The following CHRM3 variants were observed in gnomAD, a reference collection of about 807,000 sequenced individuals.
CHRM3 encodes muscarinic acetylcholine receptor M3.
A neutral mutation model predicts 41.8 loss-of-function variants in CHRM3; 11 were observed. That is an observed-to-expected ratio of 0.26 (90% CI 0.17 to 0.44). The LOEUF (loss-of-function observed/expected upper bound fraction) is 0.44. CHRM3 is among the 20% of genes least tolerant of loss of function. The pLI, the probability that CHRM3 is intolerant of heterozygous loss-of-function variation, is 1.00. For synonymous variants in CHRM3, 297 were observed against 301.4 expected (o/e 0.99, Z 0.15); for missense variants, 571 against 745.4 (o/e 0.77, Z 2.72).
intron 5 of CHRM3, among the ~76,000 whole-genome samples, chr1:239,698,614 A>T (rs778450397): frequency 2.6e-5 from 4 of 152,230 alleles, no homozygotes; most frequent in Admixed American, 6.5e-5. Context: ...TATTAATAAC[A>T]TACTTCCAAT....
intron 1 of CHRM3, among the ~76,000 whole-genome samples, chr1:239,484,788 G>A (rs1333243708): frequency 6.6e-6 from 1 of 152,128 alleles, no homozygotes; most frequent in Non-Finnish European, 1.5e-5. Flanking sequence ...ACTGACATAT[G>A]TCAGAGCCAG....
chr1:239,401,001 CAT>C (rs1659924364), intron 1 of CHRM3, among the ~76,000 whole-genome samples: 1 of 152,090 alleles, frequency 6.6e-6, no homozygotes, highest in Non-Finnish European at 1.5e-5. Flanking sequence ...AAAATGCGTG[CAT>C]ATCTTTCTCA....
chr1:239,425,283 T>C (rs1447296787), intron 1 of CHRM3, among the ~76,000 whole-genome samples: 1 of 152,204 alleles, frequency 6.6e-6, no homozygotes, highest in African/African-American at 2.4e-5. Context: ...CTTTAATTCA[T>C]TTACTCACTC....
chr1:239,754,621 C>T (rs578131023), intron 5 of CHRM3, among the ~76,000 whole-genome samples: 1 of 152,280 alleles, frequency 6.6e-6, no homozygotes, highest in African/African-American at 2.4e-5. Flanking sequence ...GATATCAAGT[C>T]ATTTTACTCC....
chr1:239,743,334 G>T (rs55973901), intron 5 of CHRM3, among the ~76,000 whole-genome samples: 1 of 151,950 alleles, frequency 6.6e-6, no homozygotes, highest in Non-Finnish European at 1.5e-5. Context: ...CTCAGACAAG[G>T]GACATGTCTT....
intron 3 of CHRM3, among the ~76,000 whole-genome samples, chr1:239,570,117 C>T (rs1030105421): frequency 2.0e-5 from 3 of 152,086 alleles, no homozygotes; most frequent in Admixed American, 6.5e-5. Flanking sequence ...CCCTGTATGT[C>T]GAGGGAGGGT....
At chr1:239,862,842 G>A (rs1572520531) in intron 6 of CHRM3, among the ~76,000 whole-genome samples, 1 of 152,092 alleles carries the variant, frequency 6.6e-6, no homozygotes, top group Admixed American at 6.5e-5. Flanking sequence ...CTTGTACTTC[G>A]GTGAAATCAA....
intron 4 of CHRM3, among the ~76,000 whole-genome samples, chr1:239,641,500 A>G (rs1197221711): frequency 6.9e-6 from 1 of 145,346 alleles, no homozygotes; most frequent in Admixed American, 6.9e-5. Flanking sequence ...TGTTGAATTG[A>G]TCCCTTTACC....
intron 6 of CHRM3, among the ~76,000 whole-genome samples, chr1:239,861,931 AT>A (rs1276346988): frequency 6.6e-6 from 1 of 152,058 alleles, no homozygotes. Flanking sequence ...GAAAAATGAA[AT>A]TTTCCCAAAG....
intron 6 of CHRM3, among the ~76,000 whole-genome samples, chr1:239,828,706 C>T (rs930530131): frequency 1.3e-4 from 19 of 151,882 alleles, no homozygotes; most frequent in Admixed American, 1.1e-3. Flanking sequence ...GAGAGAAGGT[C>T]GGGAAGGCAC....
intron 2 of CHRM3, among the ~76,000 whole-genome samples, chr1:239,500,763 C>T (rs948520924): frequency 2.6e-5 from 4 of 151,680 alleles, no homozygotes; most frequent in African/African-American, 9.7e-5. Context: ...ATGACGAATG[C>T]AACAGTACAT....
chr1:239,468,306 T>C (rs985734867), intron 1 of CHRM3, among the ~76,000 whole-genome samples: 6 of 152,222 alleles, frequency 3.9e-5, no homozygotes, highest in Non-Finnish European at 2.9e-5. Flanking sequence ...TTCTGACTTT[T>C]GAAAAAATAA....
chr1:239,440,937 C>G (rs1663669263), intron 1 of CHRM3, among the ~76,000 whole-genome samples: 1 of 152,068 alleles, frequency 6.6e-6, no homozygotes, highest in Admixed American at 6.5e-5. Flanking sequence ...GACATTTACA[C>G]TTTGTTTGTA....
At chr1:239,669,858 C>G (rs1040587350) in intron 4 of CHRM3, among the ~76,000 whole-genome samples, 6 of 152,196 alleles carry the variant, frequency 3.9e-5, no homozygotes, top group African/African-American at 1.2e-4. Context: ...CTTGCAGCTT[C>G]AATAATTAGC....
At chr1:239,881,895 C>A (rs1003892652) in intron 6 of CHRM3, among the ~76,000 whole-genome samples, 8 of 150,916 alleles carry the variant, frequency 5.3e-5, no homozygotes, top group African/African-American at 1.9e-4. Context: ...AACTCATTAC[C>A]TTCAATGTAT....
intron 3 of CHRM3, among the ~76,000 whole-genome samples, chr1:239,614,456 G>A (rs533954082): frequency 3.6e-4 from 55 of 152,198 alleles, no homozygotes; most frequent in African/African-American, 1.3e-3. Flanking sequence ...ATTACCAAGA[G>A]AACAACCCAA....
intron 5 of CHRM3, among the ~76,000 whole-genome samples, chr1:239,709,022 A>G (rs1389131661): frequency 1.3e-5 from 2 of 152,080 alleles, no homozygotes; most frequent in African/African-American, 2.4e-5. Flanking sequence ...GTTAGGAAAA[A>G]TAATAAAAGA....
chr1:239,599,107 G>C (rs148842301), intron 3 of CHRM3, among the ~76,000 whole-genome samples: 26 of 152,086 alleles, frequency 1.7e-4, no homozygotes, highest in Non-Finnish European at 3.2e-4. Flanking sequence ...ACTAGGAAAC[G>C]TAAGAGGATA....
At chr1:239,872,536 A>G (rs1572551686) in intron 6 of CHRM3, among the ~76,000 whole-genome samples, 1 of 152,200 alleles carries the variant, frequency 6.6e-6, no homozygotes, top group African/African-American at 2.4e-5. Flanking sequence ...GAGCAAAATT[A>G]TCTATCCAGA....
Sources: gnomAD v4.1 joint callset for allele counts (sites outside exome capture counted in the v4.1 genomes callset) on GRCh38, gnomAD v4.1.1 for gene constraint, MANE v1.5 for transcripts, NCBI Gene and HGNC (gene_info 2026-07-23, HGNC 2026-07-21) for gene names.